Variants in PRRC2B observed in about 807,000 individuals in gnomAD.
PRRC2B encodes the protein protein PRRC2B.
PRRC2B carries 68 observed loss-of-function variants against 242.3 expected under a neutral mutation model. The observed-to-expected ratio is 0.28, with a 90% confidence interval of 0.23 to 0.34. The LOEUF (loss-of-function observed/expected upper bound fraction) is 0.34, where lower values mean the gene tolerates loss of function less well. PRRC2B is among the 10% of genes least tolerant of loss of function. The pLI, the probability that PRRC2B is intolerant of heterozygous loss-of-function variation, is 1.00. For synonymous variants in PRRC2B, 1,228 were observed against 1,173.6 expected (o/e 1.05, Z -0.95); for missense variants, 2,835 against 2,954.8 (o/e 0.96, Z 0.94).
chr9:131,457,080 C>T (rs566106312), intron 10 of PRRC2B, among the ~76,000 whole-genome samples: 1 of 152,298 alleles, frequency 6.6e-6, no homozygotes, highest in South Asian at 2.1e-4. Flanking sequence ...TCATCCTTTA[C>T]TTAAAAGCTT....
chr9:131,393,805 G>A (rs1405938613), upstream of PRRC2B, among the ~76,000 whole-genome samples: 1 of 148,602 alleles, frequency 6.7e-6, no homozygotes, highest in East Asian at 2.0e-4. Flanking sequence ...TCTCCTCCCC[G>A]ATCCCCGCTC....
intron 22 of PRRC2B, 52 bp from the exon 23 acceptor site, chr9:131,483,307 T>G: frequency 6.6e-7 from 1 of 1,526,078 alleles, no homozygotes; most frequent in Non-Finnish European, 9.1e-7. Context: ...CTCTGGGGAA[T>G]GTAGGGCCAG....
In PRRC2B at chr9:131,499,584, G is replaced by C. The variant is rs1340397652; in HGVS notation, c.*3710G>C. 1 of 152,210 alleles carries C rather than the reference G, an allele frequency of 6.6e-6. No individual in the cohort carries two copies. Among genetic ancestry groups the C allele is most frequent in the East Asian group, 1.9e-4 (1 of 5,202 alleles). The allele number at this position is 152,210 out of a possible 1,614,324, so 9.4% of individuals were successfully genotyped here. A position where few individuals can be genotyped will look rare whatever the true frequency, so the allele number is the denominator to read the frequency against. On this transcript the variant is annotated 3_prime_UTR_variant, in exon 32 of 32. Transcript: ENST00000683519. ...CAGGAGTGGCTCAGTGTTGGGGATG[G>C]ACGCTGTCGCCCAGCCATGCTCCAC...
chr9:131,394,059 GGAGCCGAGCGCGAGGGAGCGAGCGGC>G (rs1836966734), upstream of PRRC2B: 2 of 150,054 alleles, frequency 1.3e-5, no homozygotes, highest in East Asian at 3.9e-4. Context: ...CGGGGGGCGG[GGAGCCGAGCGCGAGGGAGCGAGCGGC>G]GAGACAGGCG....
intron 5 of PRRC2B, among the ~76,000 whole-genome samples, 160 bp from the exon 6 acceptor site, chr9:131,444,025 C>T (rs1838701161): frequency 6.6e-6 from 1 of 152,206 alleles, no homozygotes; most frequent in African/African-American, 2.4e-5. Context: ...TTGCCACCCT[C>T]AGCACCCTCG....
In PRRC2B at chr9:131,484,770, A is replaced by G; in HGVS notation, c.5545A>G (p.Thr1849Ala). 1 of 1,610,952 alleles carries G rather than the reference A, an allele frequency of 6.2e-7. No homozygotes were observed. The highest frequency in any genetic ancestry group is 8.5e-7 in the Non-Finnish European group (1 of 1,178,280). Reference protein sequence around the residue: ...AIGLSPMSFPTADLTLKMESA... With the variant: ...AIGLSPMSFPAADLTLKMESA... The stretch of plus-strand genomic sequence containing the variant: ...CGGTCTCTCCCCAATGTCCTTCCCC[A>G]CCGCCGACCTTACTCTGAAGGTAAC... The change falls in exon 24 of 32, where the codon ACC becomes GCC. Residue 1849 changes from threonine to alanine, a missense_variant. Around this residue, in one of 7 missense-constraint regions of PRRC2B, gnomAD observed 574 missense variants for 626.0 expected, o/e 0.92. Transcript: ENST00000683519.
intron 1 of PRRC2B, among the ~76,000 whole-genome samples, chr9:131,419,701 T>A (rs1230517745): frequency 1.4e-4 from 22 of 152,286 alleles, no homozygotes; most frequent in Admixed American, 9.2e-4. Flanking sequence ...GAGATTAACA[T>A]GGTATGTTCA....
intron 15 of PRRC2B, 118 bp from the exon 16 acceptor site, chr9:131,474,335 TA>T: frequency 2.2e-6 from 2 of 890,428 alleles, no homozygotes; most frequent in South Asian, 1.9e-5. Flanking sequence ...GCTTTCTTTT[TA>T]AAAAGTGTTT....
In PRRC2B at chr9:131,487,945, T is replaced by A; in HGVS notation, c.6074T>A (p.Phe2025Tyr). 3 of 1,613,630 alleles carry A rather than the reference T, an allele frequency of 1.9e-6. No individual in the cohort carries two copies. The highest frequency in any genetic ancestry group is 2.5e-6 in the Non-Finnish European group (3 of 1,179,742). ...GCCTTGAAGCCTCCATACTCGGCGT[T>A]CCCAGGCATGCAGCCCTTGGAGATG... ...GTALKPPYSA[F>Y]PGMQPLEMVK... Residue 2025 changes from phenylalanine to tyrosine, a missense_variant, in exon 28 of 32, where the codon TTC becomes TAC. Phe to Tyr is a conservative substitution (Grantham distance 22, BLOSUM62 3). This residue lies in a region of PRRC2B where 574 missense variants were observed against 626.0 expected (regional missense o/e 0.92). Coordinates refer to ENST00000683519, the MANE Select transcript of PRRC2B (RefSeq NM_013318.4). The surrounding 1 kb of genome is among the most constrained non-coding windows in gnomAD (Gnocchi z 5.3).
chr9:131,391,314 G>A (rs576665025), upstream of PRRC2B, among the ~76,000 whole-genome samples: 24 of 152,096 alleles, frequency 1.6e-4, no homozygotes, highest in African/African-American at 5.5e-4. Flanking sequence ...ATTTCTGGGC[G>A]TGAGGTCCTG....
intron 3 of PRRC2B, among the ~76,000 whole-genome samples, chr9:131,435,152 G>A (rs933342486): frequency 1.4e-4 from 22 of 151,860 alleles, no homozygotes; most frequent in African/African-American, 5.3e-4. Flanking sequence ...ACAAAAATTA[G>A]CTGGGCGTGG....
intron 1 of PRRC2B, among the ~76,000 whole-genome samples, chr9:131,420,467 T>TCTTTCTCTCTTTCTC (rs1837784777): frequency 8.6e-5 from 1 of 11,676 alleles, no homozygotes; most frequent in African/African-American, 1.8e-4. Context: ...CTTTCTTTCT[T>TCTTTCTCTCTTTCTC]TCTTTCTTTC....
At chr9:131,462,000 A>C (rs1213093179) in intron 11 of PRRC2B, among the ~76,000 whole-genome samples, 5 of 152,216 alleles carry the variant, frequency 3.3e-5, no homozygotes, top group Non-Finnish European at 7.3e-5. Context: ...CTTGGAAATT[A>C]TTCTGCAGTT....
At chr9:131,393,408 C>A (rs1836938817), upstream of PRRC2B, among the ~76,000 whole-genome samples, 1 of 152,118 alleles carries the variant, frequency 6.6e-6, no homozygotes, top group African/African-American at 2.4e-5. Flanking sequence ...ACGGAGGTAA[C>A]CAAGACAGGA....
At chr9:131,419,880 T>G in intron 1 of PRRC2B, among the ~76,000 whole-genome samples, 1 of 147,302 alleles carries the variant, frequency 6.8e-6, no homozygotes, top group Non-Finnish European at 1.5e-5. Context: ...CCTGGCGCGG[T>G]GGGGGGTGAT....
chr9:131,487,115 C>A lies in PRRC2B; in HGVS notation c.5857-52C>A. 1.9e-6 allele frequency: 3 copies of A among 1,592,436 alleles called. No homozygotes were observed. The highest frequency in any genetic ancestry group is 2.2e-5 in the South Asian group (2 of 89,826). ...GCAGGGGAGGTGGGAGGGGAAGAAC[C>A]ACCTGGATGGGCCTTGCGGTTACCT... is the stretch of plus-strand genomic sequence containing the variant. On this transcript the variant is annotated intron_variant, in intron 26 of 31. Transcript: ENST00000683519. This position sits in a 1 kb window ranked among gnomAD's most constrained non-coding sequence, Gnocchi z 5.3.
intron 11 of PRRC2B, among the ~76,000 whole-genome samples, chr9:131,464,530 C>A (rs1943336925): frequency 6.6e-6 from 1 of 152,206 alleles, no homozygotes; most frequent in African/African-American, 2.4e-5. Flanking sequence ...TTGTTGTCCC[C>A]ATTTTAAAAA....
chr9:131,391,037 A>G (rs956589679), upstream of PRRC2B, among the ~76,000 whole-genome samples: 7 of 149,234 alleles, frequency 4.7e-5, no homozygotes, highest in Non-Finnish European at 5.9e-5. Flanking sequence ...TGCCCACCTC[A>G]GCCTCCCAAA....
At chr9:131,452,920 G>C (rs1942966040) in intron 9 of PRRC2B, among the ~76,000 whole-genome samples, 1 of 152,168 alleles carries the variant, frequency 6.6e-6, no homozygotes, top group African/African-American at 2.4e-5. Context: ...TCAGTGTCAT[G>C]TTTTGTATGT....
Sources: allele counts gnomAD v4.1 joint callset (sites outside exome capture counted in the v4.1 genomes callset), GRCh38; gene constraint gnomAD v4.1.1; regional missense constraint gnomAD v4.1.1; non-coding constraint Gnocchi (gnomAD v3.1); transcripts MANE v1.5; gene names NCBI Gene and HGNC (gene_info 2026-07-23, HGNC 2026-07-21).